The following PUS7 variants were observed in gnomAD, a reference collection of about 807,000 sequenced individuals.
The protein encoded by PUS7 is pseudouridine synthase 7.
In PUS7, 48 loss-of-function variants were observed where a neutral mutation model predicts 79.8. That is an observed-to-expected ratio of 0.60 (90% confidence interval 0.48 to 0.76). The LOEUF (loss-of-function observed/expected upper bound fraction) is 0.76. PUS7 is among the 30% of genes least tolerant of loss of function. The pLI is 0.00. For missense variants in PUS7, 729 were observed against 797.6 expected (o/e 0.91, Z 1.04); for synonymous variants, 286 against 272.2 (o/e 1.05, Z -0.50).
At chr7:105,469,460 G>A (rs1313411625) in intron 11 of PUS7, among the ~76,000 whole-genome samples, 2 of 151,208 alleles carry the variant, frequency 1.3e-5, no homozygotes, top group East Asian at 2.0e-4. Context: ...CCAGATAATC[G>A]TTTTATTTAT....
chr7:105,489,660 A>T (rs1824703439), intron 7 of PUS7, among the ~76,000 whole-genome samples: 1 of 152,220 alleles, frequency 6.6e-6, no homozygotes, highest in Non-Finnish European at 1.5e-5. Context: ...CTCAAGGTCA[A>T]GGAAGAAAAA....
intron 14 of PUS7, among the ~76,000 whole-genome samples, chr7:105,461,183 T>C (rs1823412041): frequency 1.3e-5 from 2 of 152,244 alleles, no homozygotes; most frequent in Non-Finnish European, 1.5e-5. Flanking sequence ...AGAAACATGA[T>C]ATTAAAACAA....
rs539181176 is a variant in PUS7, at chr7:105,487,233, T to C, written c.920+4307A>G. On this transcript the variant is annotated intron_variant, in intron 7 of 15. Coordinates refer to ENST00000469408, the MANE Select transcript of PUS7 (RefSeq NM_019042.5). ...ACCTGAAAAAGAAACCCTGTACCTATTCAGCAGTCACTCCCGTTTCCTCTC... is the reference window on the plus strand; with the variant it reads ...ACCTGAAAAAGAAACCCTGTACCTACTCAGCAGTCACTCCCGTTTCCTCTC... Among the ~76,000 whole-genome samples, 4 of 152,282 alleles carry C rather than the reference T, an allele frequency of 2.6e-5. No homozygotes were observed. In the South Asian group the frequency reaches 8.3e-4, roughly 32 times the overall value.
chr7:105,494,707 C>G (rs1013971228), intron 6 of PUS7, among the ~76,000 whole-genome samples: 1 of 151,908 alleles, frequency 6.6e-6, no homozygotes, highest in Non-Finnish European at 1.5e-5. Flanking sequence ...TGCGCCAGGC[C>G]GATCGGCAAT....
At chr7:105,460,287 A>C (rs1692962624) in intron 14 of PUS7, among the ~76,000 whole-genome samples, 1 of 152,126 alleles carries the variant, frequency 6.6e-6, no homozygotes, top group South Asian at 2.1e-4. Context: ...CACTTTGCAC[A>C]GCTGTGATCA....
At chr7:105,462,430 C>CAA in intron 14 of PUS7, 191 bp downstream of exon 14, 3 of 536,226 alleles carry the variant, frequency 5.6e-6, no homozygotes, top group South Asian at 2.7e-5. Context: ...AACTCCGTCT[C>CAA]AAAAAAAAAC....
intron 4 of PUS7, among the ~76,000 whole-genome samples, chr7:105,504,191 T>G (rs1465418295): frequency 7.1e-6 from 1 of 140,498 alleles, no homozygotes; most frequent in East Asian, 2.1e-4. Flanking sequence ...CGCCTCAGCC[T>G]CCTGAGTAGC....
Position 105,473,415 on chromosome 7 carries a change from AT to A in PUS7, c.1176-1223del, listed in dbSNP as rs922271999. 3.4e-3 allele frequency among the ~76,000 whole-genome samples: 426 copies of A among 123,600 alleles called. 2 individuals carry two copies. Among genetic ancestry groups the A allele is most frequent in the Middle Eastern group, 4.0e-3 (1 of 252 alleles). 81.1% of individuals were successfully genotyped at this position (123,600 alleles called of 152,430 possible). ...CAGGCTGAGTCAGCATGCCTGCCTA[AT>A]TTTTTTTTTTTTTTTTTTTTGAGAT... On this transcript the variant is annotated intron_variant, in intron 9 of 15. Transcript: ENST00000469408.
intron 11 of PUS7, 70 bp downstream of exon 11, chr7:105,470,618 C>A: frequency 2.8e-6 from 4 of 1,447,924 alleles, no homozygotes; most frequent in Non-Finnish European, 3.7e-6. Flanking sequence ...TTAGTAAAAT[C>A]TTTCAAGATG....
chr7:105,506,777 G>A (rs530489574), intron 2 of PUS7, among the ~76,000 whole-genome samples: 158 of 152,096 alleles, frequency 1.0e-3, no homozygotes, highest in South Asian at 1.2e-3. Flanking sequence ...TTTTATATGA[G>A]AACTTAAAGA....
intron 5 of PUS7, among the ~76,000 whole-genome samples, chr7:105,499,103 C>T (rs1825148960): frequency 6.6e-6 from 1 of 152,182 alleles, no homozygotes; most frequent in African/African-American, 2.4e-5. Context: ...GGTTTCCAAC[C>T]TCATCATTCC....
At chr7:105,500,628 A>G (rs997449957) in intron 5 of PUS7, among the ~76,000 whole-genome samples, 2 of 152,192 alleles carry the variant, frequency 1.3e-5, no homozygotes, top group African/African-American at 4.8e-5. Context: ...GTTTCTTGAC[A>G]AAAAATAACT....
At chr7:105,513,592 G>T (rs1825778446) in intron 1 of PUS7, among the ~76,000 whole-genome samples, 1 of 149,976 alleles carries the variant, frequency 6.7e-6, no homozygotes, top group African/African-American at 2.4e-5. Flanking sequence ...GGCCAAGGCA[G>T]GTGGATCGCC....
chr7:105,476,081 G>A lies in PUS7; in HGVS notation c.1176-3888C>T, dbSNP rs890150094. ...GGAGGTTGCAATGGGCTGAGATGGC[G>A]CCACTGCACTCCAGCCTGGGCGACA... On this transcript the variant is annotated intron_variant, in intron 9 of 15. Transcript: ENST00000469408. 1.6e-4 allele frequency among the ~76,000 whole-genome samples: 21 copies of A among 134,176 alleles called. No homozygotes were observed. In the East Asian group the frequency reaches 2.2e-3, roughly 14 times the overall value. 88.0% of individuals were successfully genotyped at this position (134,176 alleles called of 152,430 possible). A position where few individuals can be genotyped will look rare whatever the true frequency, so the allele number is the denominator to read the frequency against.
chr7:105,470,523 A>T, intron 11 of PUS7, 165 bp downstream of exon 11: 1 of 666,670 alleles, frequency 1.5e-6, no homozygotes, highest in Non-Finnish European at 2.3e-6. Context: ...CAACATCACC[A>T]CTCAGGGTCT....
At chr7:105,505,003 ATT>A (rs112752687) in intron 4 of PUS7, among the ~76,000 whole-genome samples, 10 of 142,614 alleles carry the variant, frequency 7.0e-5, no homozygotes, top group Admixed American at 1.4e-4. Flanking sequence ...ATTTAACATA[ATT>A]TTTTTTTTTT....
At chr7:105,490,411 A>T (rs1236422004) in intron 7 of PUS7, among the ~76,000 whole-genome samples, 1 of 152,034 alleles carries the variant, frequency 6.6e-6, no homozygotes, top group Admixed American at 6.6e-5. Context: ...CAGCTATTAA[A>T]TTCATCCTTT....
intron 1 of PUS7, among the ~76,000 whole-genome samples, chr7:105,519,579 G>A (rs1292975532): frequency 1.2e-4 from 18 of 152,198 alleles, no homozygotes. Context: ...AAATCATTAA[G>A]TCTATGAGGG....
intron 5 of PUS7, among the ~76,000 whole-genome samples, chr7:105,496,494 A>G (rs1463182914): frequency 3.9e-5 from 6 of 152,170 alleles, no homozygotes; most frequent in African/African-American, 1.4e-4. Context: ...ATTCCTAGAA[A>G]GAGTCCTCTT....
Sources: allele counts gnomAD v4.1 joint callset (sites outside exome capture counted in the v4.1 genomes callset), GRCh38; gene constraint gnomAD v4.1.1; transcripts MANE v1.5; gene names NCBI Gene and HGNC (gene_info 2026-07-23, HGNC 2026-07-21).